The following SPATA13 variants were observed in gnomAD, a reference collection of about 807,000 sequenced individuals.
The protein encoded by SPATA13 is spermatogenesis associated 13.
In SPATA13, 50 loss-of-function variants were observed where a neutral mutation model predicts 104.0. The ratio of observed to expected loss-of-function variants is 0.48; its 90% confidence interval spans 0.38 to 0.61. The LOEUF (loss-of-function observed/expected upper bound fraction) is 0.61. Among genes scored for constraint, SPATA13 ranks in the 20% least tolerant of loss-of-function variants. The probability of loss-of-function intolerance (pLI) is 0.00; values close to 1 mark genes in which losing one functional copy is unlikely to be tolerated. For missense variants in SPATA13, 1,524 were observed against 1,690.6 expected (o/e 0.90, Z 1.73); for synonymous variants, 606 against 667.5 (o/e 0.91, Z 1.42).
At chr13:24,191,301 T>G (rs1201127083) in intron 1 of SPATA13, among the ~76,000 whole-genome samples, 2 of 151,934 alleles carry the variant, frequency 1.3e-5, no homozygotes, top group African/African-American at 4.8e-5. Context: ...TGTATGTACA[T>G]TTTTTTCAAA....
chr13:24,073,365 C>A (rs887993571), intron 3 of SPATA13, among the ~76,000 whole-genome samples: 4 of 152,228 alleles, frequency 2.6e-5, no homozygotes, highest in African/African-American at 7.2e-5. Context: ...GTCAGACTCA[C>A]CTGCATGTAA....
intron 2 of SPATA13, among the ~76,000 whole-genome samples, chr13:24,248,814 G>T (rs1013106143): frequency 1.3e-5 from 2 of 152,090 alleles, no homozygotes; most frequent in Admixed American, 1.3e-4. Flanking sequence ...TCTTCTCCTG[G>T]CAGGTCTTTG....
intron 2 of SPATA13, among the ~76,000 whole-genome samples, chr13:24,229,750 A>G (rs1478927805): frequency 6.6e-6 from 1 of 152,208 alleles, no homozygotes; most frequent in African/African-American, 2.4e-5. Flanking sequence ...CAACATTTAT[A>G]TTTTCATGAA....
chr13:24,059,251 G>A lies in SPATA13; in HGVS notation c.-112+41550G>A, dbSNP rs111376359. 8.4e-3 allele frequency among the ~76,000 whole-genome samples: 1,270 copies of A among 151,804 alleles called. 23 individuals carry two copies. The highest frequency in any genetic ancestry group is 0.029 in the African/African-American group (1,219 of 41,458). ...CTCCTAAAGTGCTGGGATTACAGGTGTGGCCCACTGCATCCGGCCTGGCCT... is the reference window on the plus strand; with the variant it reads ...CTCCTAAAGTGCTGGGATTACAGGTATGGCCCACTGCATCCGGCCTGGCCT... On this transcript the variant is annotated intron_variant, in intron 3 of 14. Coordinates refer to the SPATA13 transcript ENST00000424834.
At chr13:24,118,896 T>TTTTTCTTTTCTTTTC (rs766240064) in intron 3 of SPATA13, among the ~76,000 whole-genome samples, 2 of 143,362 alleles carry the variant, frequency 1.4e-5, no homozygotes, top group Admixed American at 7.0e-5. Flanking sequence ...AGACGCTACA[T>TTTTTCTTTTCTTTTC]TTTTCTTTTC....
chr13:24,098,107 A>T (rs1287620392), intron 3 of SPATA13, among the ~76,000 whole-genome samples: 1 of 152,256 alleles, frequency 6.6e-6, no homozygotes, highest in Non-Finnish European at 1.5e-5. Context: ...AATGAAAGTT[A>T]CATTCACTAA....
At chr13:24,070,808 G>T (rs901289882) in intron 3 of SPATA13, among the ~76,000 whole-genome samples, 2 of 151,802 alleles carry the variant, frequency 1.3e-5, no homozygotes, top group Non-Finnish European at 2.9e-5. Flanking sequence ...AAACTGGCAC[G>T]TCTGGTTTTT....
At chr13:24,068,486 A>G (rs902741449) in intron 3 of SPATA13, among the ~76,000 whole-genome samples, 1 of 152,182 alleles carries the variant, frequency 6.6e-6, no homozygotes, top group South Asian at 2.1e-4. Context: ...TCCTTTGGGT[A>G]TGTGCCCAGT....
chr13:24,253,879 G>A (rs1873642537), intron 4 of SPATA13, among the ~76,000 whole-genome samples: 1 of 152,324 alleles, frequency 6.6e-6, no homozygotes, highest in African/African-American at 2.4e-5. Flanking sequence ...AGAGGCAGAC[G>A]AGGATGTTGC....
intron 1 of SPATA13, among the ~76,000 whole-genome samples, chr13:24,170,545 A>G (rs1882927149): frequency 6.6e-6 from 1 of 152,168 alleles, no homozygotes; most frequent in African/African-American, 2.4e-5. Context: ...TTTCGTGGAA[A>G]GTCTCCTGTG....
intron 3 of SPATA13, among the ~76,000 whole-genome samples, chr13:24,155,496 T>C (rs1339779462): frequency 6.6e-6 from 1 of 152,256 alleles, no homozygotes; most frequent in Non-Finnish European, 1.5e-5. Context: ...ACACACACTC[T>C]CGGTGCCTAG....
intron 3 of SPATA13, among the ~76,000 whole-genome samples, chr13:24,149,002 A>G (rs1445610151): frequency 6.6e-6 from 1 of 152,106 alleles, no homozygotes; most frequent in Non-Finnish European, 1.5e-5. Context: ...GGCTTGGAGG[A>G]ATGTAGGCTC....
At chr13:24,296,653 C>T (rs973880343) in intron 10 of SPATA13, among the ~76,000 whole-genome samples, 3 of 152,132 alleles carry the variant, frequency 2.0e-5, no homozygotes, top group Non-Finnish European at 4.4e-5. Flanking sequence ...TGTAAGCCTG[C>T]GTGCTCTCAC....
chr13:24,054,646 C>T lies in SPATA13; in HGVS notation c.-112+36945C>T, dbSNP rs78103920. Among the ~76,000 whole-genome samples the T allele has an allele frequency of 5.2e-3, 794 of 152,226 alleles. 10 individuals are homozygous for T. Among genetic ancestry groups the T allele is most frequent in the African/African-American group, 0.018 (763 of 41,518 alleles). On this transcript the variant is annotated intron_variant, in intron 3 of 14. Coordinates refer to the SPATA13 transcript ENST00000424834. ...GCATTTAATAGAACTCTAAAGAGTA[C>T]AGAAGAGAAAATATGTGAAATATAA...
At chr13:23,990,529 G>A (rs776570004) in intron 2 of SPATA13, among the ~76,000 whole-genome samples, 2 of 152,116 alleles carry the variant, frequency 1.3e-5, no homozygotes, top group Non-Finnish European at 2.9e-5. Context: ...CCACTTCCCA[G>A]TCTTCACCAA....
intron 2 of SPATA13, among the ~76,000 whole-genome samples, chr13:23,985,915 A>G (rs947692770): frequency 6.6e-6 from 1 of 152,184 alleles, no homozygotes; most frequent in East Asian, 1.9e-4. Flanking sequence ...CACAGGGACG[A>G]GGAAGCCAGC....
At chr13:24,109,602 G>A (rs1593335387) in intron 3 of SPATA13, among the ~76,000 whole-genome samples, 1 of 152,282 alleles carries the variant, frequency 6.6e-6, no homozygotes, top group East Asian at 1.9e-4. Context: ...GGTAGAGGTA[G>A]ATAGAGACAC....
At chr13:24,119,829 C>T (rs949505755) in intron 3 of SPATA13, among the ~76,000 whole-genome samples, 8 of 152,238 alleles carry the variant, frequency 5.3e-5, no homozygotes, top group African/African-American at 1.4e-4. Flanking sequence ...CCGTGCATGG[C>T]AGGCAGAGCT....
intron 3 of SPATA13, among the ~76,000 whole-genome samples, chr13:24,028,185 G>C (rs1877322133): frequency 6.6e-6 from 1 of 151,902 alleles, no homozygotes; most frequent in Non-Finnish European, 1.5e-5. Context: ...CTTCTACTTA[G>C]GCTTGTTCAG....
Sources: gnomAD v4.1 joint callset for allele counts (sites outside exome capture counted in the v4.1 genomes callset) on GRCh38, gnomAD v4.1.1 for gene constraint, MANE v1.5 for transcripts, NCBI Gene and HGNC (gene_info 2026-07-23, HGNC 2026-07-21) for gene names.